Variants in COL6A2 observed in about 807,000 individuals in gnomAD.
COL6A2 encodes collagen alpha-2(VI) chain.
A neutral mutation model predicts 124.9 loss-of-function variants in COL6A2; 90 were observed. That is an observed-to-expected ratio of 0.72 (90% CI 0.61 to 0.86). The LOEUF is 0.86. Ranked by LOEUF, COL6A2 falls within the 40% of genes least tolerant of loss-of-function variation. The pLI, the probability that COL6A2 is intolerant of heterozygous loss-of-function variation, is 0.00. For synonymous variants in COL6A2, 793 were observed against 618.2 expected, an observed-to-expected ratio of 1.28 and a Z score of -4.19; for missense variants, 1,607 against 1,502.5, an observed-to-expected ratio of 1.07 and a Z score of -1.15.
intron 3 of COL6A2, 66 bp downstream of exon 3, chr21:46,112,643 C>A: frequency 6.3e-7 from 1 of 1,594,744 alleles, no homozygotes; most frequent in Non-Finnish European, 8.6e-7. Flanking sequence ...CCACCCACTC[C>A]GGGCCTCACT....
intron 27 of COL6A2, among the ~76,000 whole-genome samples, chr21:46,127,456 G>A (rs760297895): frequency 1.3e-5 from 2 of 152,144 alleles, no homozygotes; most frequent in Non-Finnish European, 2.9e-5. Context: ...TACGTGCTGC[G>A]ACAGAGAACC....
At chr21:46,117,843 T>G in intron 11 of COL6A2, 31 bp from the exon 12 acceptor site, 2 of 1,599,538 alleles carry the variant, frequency 1.3e-6, no homozygotes, top group Non-Finnish European at 8.5e-7. Context: ...ACCCGCCGTG[T>G]GCCGAGCTCC....
chr21:46,132,621 G>T lies in COL6A2; in HGVS notation c.*69G>T. Reference sequence around the variant, plus strand: ...CGTCCATGGTGCTAAGCGGGCCCGGGTCCCACACGGCCAGCACCGCTGCTC... The same window carrying T: ...CGTCCATGGTGCTAAGCGGGCCCGGTTCCCACACGGCCAGCACCGCTGCTC... On this transcript the variant is annotated 3_prime_UTR_variant, in exon 28 of 28. Coordinates refer to ENST00000300527, the MANE Select transcript of COL6A2 (RefSeq NM_001849.4). 7.0e-7 allele frequency: 1 copy of T among 1,427,476 alleles called. No homozygotes were observed. Among genetic ancestry groups the T allele is most frequent in the Non-Finnish European group, 9.6e-7 (1 of 1,046,448 alleles). 88.4% of individuals were successfully genotyped at this position (1,427,476 alleles called of 1,614,324 possible).
At chr21:46,106,120 A>C (rs1254871981) in intron 1 of COL6A2, among the ~76,000 whole-genome samples, 1 of 152,262 alleles carries the variant, frequency 6.6e-6, no homozygotes, top group African/African-American at 2.4e-5. Flanking sequence ...AAATCAAAAA[A>C]GGTTACAAGA....
At chr21:46,099,889 C>CGTTTT (rs1345870090) in intron 1 of COL6A2, among the ~76,000 whole-genome samples, 6 of 91,840 alleles carry the variant, frequency 6.5e-5, no homozygotes, top group Non-Finnish European at 2.1e-5. Flanking sequence ...GCAGCACTGT[C>CGTTTT]TTTTTTTTTT....
intron 14 of COL6A2, 71 bp downstream of exon 14, chr21:46,119,190 G>T: frequency 3.3e-6 from 4 of 1,195,592 alleles, no homozygotes; most frequent in South Asian, 1.3e-5. Context: ...GAGGACCATG[G>T]GGGAAGGGCA....
chr21:46,117,786 G>A, intron 11 of COL6A2, 88 bp from the exon 12 acceptor site: 1 of 1,383,710 alleles, frequency 7.2e-7, no homozygotes, highest in Admixed American at 2.0e-5. Context: ...GTGCGTCCCG[G>A]GCTGGGACAA....
At position 46,125,461 on chromosome 21, in the gene COL6A2, C is replaced by T. The variant is rs373659176; in HGVS notation, c.1817-4C>T. ...ACCCCCCGATGACCCTGCCACCCCC[C>T]CAGACTGTGAGAAGCGCTGTGGCGC... On this transcript the variant is annotated splice_region_variant and splice_polypyrimidine_tract_variant and intron_variant, in intron 24 of 27. Transcript: ENST00000300527. The T allele has an allele frequency of 5.6e-6, 9 of 1,612,760 alleles. No homozygotes were observed. In the African/African-American group the frequency reaches 1.1e-4, roughly 19 times the overall value.
intron 16 of COL6A2, among the ~76,000 whole-genome samples, 183 bp from the exon 17 acceptor site, chr21:46,120,878 A>C (rs899121181): frequency 6.6e-6 from 1 of 151,982 alleles, no homozygotes; most frequent in African/African-American, 2.4e-5. Context: ...AACCCAGCCT[A>C]CTCCACTCAG....
At chr21:46,128,426 C>A (rs368008271) in intron 27 of COL6A2, among the ~76,000 whole-genome samples, 8 of 152,370 alleles carry the variant, frequency 5.3e-5, no homozygotes, top group Middle Eastern at 3.4e-3. Flanking sequence ...CTTTCACCAG[C>A]CCACACGGCC....
rs781544781 is a variant in COL6A2, at chr21:46,132,454, C to G, written c.2962C>G (p.Leu988Val). 1.2e-6 allele frequency: 2 copies of G among 1,606,494 alleles called. No individual in the cohort carries two copies. Among genetic ancestry groups the G allele is most frequent in the Middle Eastern group, 3.3e-4 (2 of 6,054 alleles). The change falls in exon 28 of 28, where the codon CTC (leucine) becomes GTC (valine). Residue 988 changes from leucine to valine, a missense_variant. Leu to Val is a conservative substitution (Grantham distance 32). Coordinates refer to ENST00000300527, the MANE Select transcript of COL6A2 (RefSeq NM_001849.4). ...SDVDMDVLTT[L>V]SLGDRAAVFH... ...CGTGGACATGGACGTGCTCACCACG[C>G]TCAGCCTGGGTGACCGCGCCGCCGT...
intron 27 of COL6A2, chr21:46,129,137 G>A (rs897058520): frequency 2.5e-6 from 4 of 1,609,958 alleles, no homozygotes; most frequent in African/African-American, 2.7e-5. Flanking sequence ...GCCCGAGGAG[G>A]AGCTCTAGGC....
intron 15 of COL6A2, 115 bp downstream of exon 15, chr21:46,119,965 T>G (rs898308707): frequency 1.1e-5 from 10 of 915,406 alleles, no homozygotes; most frequent in Non-Finnish European, 1.4e-5. Flanking sequence ...GGCCTCACTC[T>G]CCAGAGTTCA....
chr21:46,119,688 C>G, intron 14 of COL6A2, 100 bp from the exon 15 acceptor site: 1 of 1,102,436 alleles, frequency 9.1e-7, no homozygotes. Flanking sequence ...CAGAGCCCTC[C>G]TGTAGAGAAG....
At chr21:46,130,997 C>T (rs969838255) in intron 27 of COL6A2, among the ~76,000 whole-genome samples, 4 of 152,344 alleles carry the variant, frequency 2.6e-5, no homozygotes, top group South Asian at 4.1e-4. Context: ...GGGGCTGGAC[C>T]GTTGCACCTC....
chr21:46,126,916 T>C (rs9980548), intron 27 of COL6A2, among the ~76,000 whole-genome samples: 2 of 152,154 alleles, frequency 1.3e-5, no homozygotes, highest in Admixed American at 6.5e-5. Context: ...CTGGATTCAG[T>C]GAGTGAAACC....
chr21:46,121,400 G>C (rs1246586451), intron 17 of COL6A2, among the ~76,000 whole-genome samples, 156 bp from the exon 18 acceptor site: 2 of 152,184 alleles, frequency 1.3e-5, no homozygotes, highest in African/African-American at 2.4e-5. Context: ...GGAGGAGCTG[G>C]GACCCTCAAG....
At chr21:46,131,676 G>T (rs1234805652) in intron 27 of COL6A2, among the ~76,000 whole-genome samples, 1 of 152,210 alleles carries the variant, frequency 6.6e-6, no homozygotes, top group Non-Finnish European at 1.5e-5. Context: ...CCTGTGCAGG[G>T]ATGGTGCTCA....
intron 1 of COL6A2, among the ~76,000 whole-genome samples, chr21:46,102,291 G>A (rs1281065829): frequency 1.3e-5 from 2 of 152,054 alleles, no homozygotes; most frequent in African/African-American, 2.4e-5. Flanking sequence ...AACAGTTTTT[G>A]TGGAATTTTT....
Sources: allele counts gnomAD v4.1 joint callset (sites outside exome capture counted in the v4.1 genomes callset), GRCh38; gene constraint gnomAD v4.1.1; transcripts MANE v1.5; gene names NCBI Gene and HGNC (gene_info 2026-07-23, HGNC 2026-07-21).